MCM8: variants seen among roughly 807,000 people sequenced by gnomAD.
The protein encoded by MCM8 is DNA helicase MCM8.
Under a neutral mutation model 98.9 loss-of-function variants are expected in MCM8, and 85 were observed. The ratio of observed to expected loss-of-function variants is 0.86; its 90% CI spans 0.72 to 1.03. The LOEUF is 1.03. MCM8 is among the 50% of genes least tolerant of loss of function. MCM8 has a pLI of 0.00. For synonymous variants in MCM8, 352 were observed against 338.6 expected (o/e 1.04, Z -0.44); for missense variants, 951 against 997.8 (o/e 0.95, Z 0.63).
At chr20:5,981,591 G>C (rs1250041604) in intron 13 of MCM8, among the ~76,000 whole-genome samples, 1 of 152,116 alleles carries the variant, frequency 6.6e-6, no homozygotes, top group Non-Finnish European at 1.5e-5. Flanking sequence ...ATTGGGAAAA[G>C]CGTATTGACA....
chr20:5,952,667 T>C (rs2088864841), intron 3 of MCM8, 139 bp downstream of exon 3: 2 of 727,024 alleles, frequency 2.8e-6, no homozygotes, highest in South Asian at 4.2e-5. Context: ...AATTAAATGA[T>C]GTTTATGTTT....
At chr20:5,952,201 A>C (rs1363963727) in intron 2 of MCM8, 38 bp downstream of exon 2, 2 of 1,596,194 alleles carry the variant, frequency 1.3e-6, no homozygotes, top group South Asian at 2.2e-5. Flanking sequence ...TTTTTCACTT[A>C]AGGAAGCAAT....
rs1377341652 is a variant in MCM8 at position 5,978,004 on chromosome 20, A to G, written c.1524A>G (p.Val508=). Residue 508 remains valine (V), a synonymous_variant, in exon 13 of 19, where the codon GTA becomes GTG. Coordinates refer to ENST00000610722, the MANE Select transcript of MCM8 (RefSeq NM_032485.6). The stretch of plus-strand genomic sequence containing the variant: ...TTGCTTTGGAAGCTGGTGCCCTGGT[A>G]CTTGGTGATCAAGGTGAGAGGCCAA... ...GDFALEAGAL[V]LGDQGICGID... is the part of the protein sequence containing the mutation. The G allele has an allele frequency of 1.2e-6, 2 of 1,614,104 alleles. No individual in the cohort carries two copies. Among genetic ancestry groups the G allele is most frequent in the Non-Finnish European group, 1.7e-6 (2 of 1,180,040 alleles).
At chr20:5,972,440 T>G (rs180992541) in intron 11 of MCM8, 50 of 253,830 alleles carry the variant, frequency 2.0e-4, no homozygotes, top group African/African-American at 1.1e-3. Context: ...AGTCCTGGCC[T>G]CAAGTGATCC....
At position 5,994,626 on chromosome 20, in the gene MCM8, G is replaced by T; in HGVS notation, c.*235G>T. 1 of 485,866 alleles carries T rather than the reference G, an allele frequency of 2.1e-6. No individual in the cohort carries two copies. The highest frequency in any genetic ancestry group is 3.7e-6 in the Non-Finnish European group (1 of 268,898). 30.1% of individuals were successfully genotyped at this position (485,866 alleles called of 1,614,324 possible). ...TTAAGAAGTGATAAAGTCTCCAGATGCAGTAGCTCACACTGTAATCACAGT... is the reference window on the plus strand; with the variant it reads ...TTAAGAAGTGATAAAGTCTCCAGATTCAGTAGCTCACACTGTAATCACAGT... On this transcript the variant is annotated 3_prime_UTR_variant, in exon 19 of 19. Transcript: ENST00000610722.
intron 10 of MCM8, among the ~76,000 whole-genome samples, chr20:5,969,523 C>T (rs994047943): frequency 2.0e-5 from 3 of 148,642 alleles, no homozygotes; most frequent in Non-Finnish European, 4.4e-5. Context: ...ACCTGGGAGG[C>T]GGAGGTTGCA....
chr20:5,993,024 TG>T (rs1427904648), intron 17 of MCM8, among the ~76,000 whole-genome samples: 7 of 152,272 alleles, frequency 4.6e-5, no homozygotes, highest in African/African-American at 1.7e-4. Context: ...CAGTAATAGG[TG>T]CATCCTTTAA....
chr20:5,975,256 C>CT (rs1427195313), intron 12 of MCM8, among the ~76,000 whole-genome samples: 1 of 145,972 alleles, frequency 6.9e-6, no homozygotes, highest in African/African-American at 2.5e-5. Flanking sequence ...AAGACCCTGT[C>CT]TTTAAAAAAA....
intron 11 of MCM8, 47 bp downstream of exon 11, chr20:5,972,084 A>G (rs940843727): frequency 6.2e-6 from 9 of 1,460,110 alleles, no homozygotes; most frequent in Non-Finnish European, 6.6e-6. Flanking sequence ...TAAGGTTAGC[A>G]AAAATAACAT....
intron 7 of MCM8, 46 bp from the exon 8 acceptor site, chr20:5,963,228 T>C: frequency 7.1e-7 from 1 of 1,409,292 alleles, no homozygotes. Context: ...GAGGTGTGAT[T>C]ATAGTTTATC....
rs2089190194 is a variant in MCM8 at position 5,963,131 on chromosome 20, T to C, written c.790-143T>C. ...GTTGCAGGAGGAAATAGAAAGTCAT[T>C]AATCTCTCAGTGGATTTTACTTTAC... On this transcript the variant is annotated intron_variant, in intron 7 of 18. Transcript: ENST00000610722. 5 of 635,610 alleles carry C rather than the reference T, an allele frequency of 7.9e-6. No homozygotes were observed. The South Asian group carries it at 9.2e-5, about 12-fold the overall frequency. 39.4% of individuals were successfully genotyped at this position (635,610 alleles called of 1,614,324 possible).
intron 16 of MCM8, 145 bp from the exon 17 acceptor site, chr20:5,987,137 C>A (rs1356495568): frequency 4.4e-5 from 31 of 707,378 alleles, no homozygotes; most frequent in Non-Finnish European, 5.1e-5. Context: ...CAGAGAATTA[C>A]TTCCATATTT....
intron 7 of MCM8, 68 bp downstream of exon 7, chr20:5,958,794 T>G (rs2089058286): frequency 7.3e-7 from 1 of 1,376,528 alleles, no homozygotes; most frequent in Admixed American, 2.1e-5. Flanking sequence ...ACAGAAAACA[T>G]TTCCCAGTGT....
chr20:5,962,070 A>G (rs1024621205), intron 7 of MCM8, among the ~76,000 whole-genome samples: 5 of 152,206 alleles, frequency 3.3e-5, no homozygotes, highest in African/African-American at 1.2e-4. Context: ...TGGTGGCTGG[A>G]GTACAGCAAG....
At chr20:5,964,119 CTTTTTT>C (rs11478703) in intron 8 of MCM8, among the ~76,000 whole-genome samples, 30 of 123,994 alleles carry the variant, frequency 2.4e-4, no homozygotes, top group African/African-American at 4.4e-4. Context: ...TTTTTAATAG[CTTTTTT>C]TTTTTTTTTT....
chr20:5,954,798 G>T lies in MCM8; in HGVS notation c.336+108G>T. ...ACTGGAGTCAGACTTCCTTGGTTCAGACCTCAGTTCTGCCACTTACCTGCA... is the reference window on the plus strand; with the variant it reads ...ACTGGAGTCAGACTTCCTTGGTTCATACCTCAGTTCTGCCACTTACCTGCA... On this transcript the variant is annotated intron_variant, in intron 4 of 18. Transcript: ENST00000610722. 5.8e-6 allele frequency: 4 copies of T among 685,654 alleles called. No homozygotes were observed. In the South Asian group the frequency reaches 7.2e-5, roughly 12 times the overall value. The allele number at this position is 685,654 out of a possible 1,614,324, so 42.5% of individuals were successfully genotyped here.
intron 7 of MCM8, 150 bp downstream of exon 7, chr20:5,958,876 T>G: frequency 1.4e-6 from 1 of 734,518 alleles, no homozygotes; most frequent in Non-Finnish European, 2.1e-6. Flanking sequence ...TACTTCAGGG[T>G]AAGAAAAATA....
intron 7 of MCM8, among the ~76,000 whole-genome samples, chr20:5,961,660 G>T (rs1324147107): frequency 2.0e-5 from 3 of 152,160 alleles, no homozygotes; most frequent in Non-Finnish European, 2.9e-5. Flanking sequence ...TTATTTTGAA[G>T]ACGGGGTCTC....
chr20:5,967,727 A>AT, intron 9 of MCM8, 103 bp from the exon 10 acceptor site: 2 of 1,360,986 alleles, frequency 1.5e-6, no homozygotes, highest in Non-Finnish European at 2.0e-6. Flanking sequence ...TTTTAAAAAA[A>AT]CATGTATTTG....
Sources: allele counts gnomAD v4.1 joint callset (sites outside exome capture counted in the v4.1 genomes callset), GRCh38; gene constraint gnomAD v4.1.1; transcripts MANE v1.5; gene names NCBI Gene and HGNC (gene_info 2026-07-23, HGNC 2026-07-21).